The following NEDD4L variants were observed in gnomAD, a reference collection of about 807,000 sequenced individuals.
NEDD4L encodes E3 ubiquitin-protein ligase NEDD4-like.
NEDD4L carries 54 observed loss-of-function variants against 148.9 expected under a neutral mutation model. The ratio of observed to expected loss-of-function variants is 0.36; its 90% CI spans 0.29 to 0.45. NEDD4L has a LOEUF of 0.45. Ranked by LOEUF, NEDD4L falls within the 20% of genes least tolerant of loss-of-function variation. The pLI is 1.00. For missense variants in NEDD4L, 856 were observed against 1,233.8 expected, an observed-to-expected ratio of 0.69 and a Z score of 4.59; for synonymous variants, 433 against 440.7, an observed-to-expected ratio of 0.98 and a Z score of 0.22.
At chr18:58,123,491 C>G (rs918114585) in intron 1 of NEDD4L, among the ~76,000 whole-genome samples, 3 of 152,156 alleles carry the variant, frequency 2.0e-5, no homozygotes, top group African/African-American at 7.2e-5. Context: ...TTCCTGTAAA[C>G]AGCCAAACTG....
chr18:58,280,780 AAAATT>A (rs1388751340), intron 5 of NEDD4L, among the ~76,000 whole-genome samples: 1 of 152,194 alleles, frequency 6.6e-6, no homozygotes, highest in Non-Finnish European at 1.5e-5. Context: ...TCACTGTAGA[AAAATT>A]AAGAAAGTCA....
chr18:58,186,299 C>T (rs1223569777), intron 2 of NEDD4L, among the ~76,000 whole-genome samples: 3 of 152,234 alleles, frequency 2.0e-5, no homozygotes, highest in Admixed American at 2.0e-4. Flanking sequence ...CATTGGATGT[C>T]AGCCCTAGGC....
intron 1 of NEDD4L, among the ~76,000 whole-genome samples, chr18:58,068,204 TTTTG>T (rs1447794235): frequency 0.015 from 1,803 of 122,310 alleles, 63 homozygotes; most frequent in African/African-American, 0.069. Flanking sequence ...TTTTTTTTTT[TTTTG>T]TTTTGTTTTG....
In NEDD4L at chr18:58,305,990, A is replaced by C. The variant is rs544228784; in HGVS notation, c.298-9992A>C. On this transcript the variant is annotated intron_variant, in intron 5 of 30. Transcript: ENST00000400345. ...ATTATTTTGTCCTCCAGTGGCTTTTATACCCAGCAAAGTGGACCATGGTGT... is the reference window on the plus strand; with the variant it reads ...ATTATTTTGTCCTCCAGTGGCTTTTCTACCCAGCAAAGTGGACCATGGTGT... 6.4e-4 allele frequency among the ~76,000 whole-genome samples: 98 copies of C among 152,302 alleles called. 2 individuals carry two copies. The South Asian group carries it at 0.02, about 31-fold the overall frequency.
At chr18:58,203,308 C>T (rs1482677609) in intron 2 of NEDD4L, among the ~76,000 whole-genome samples, 1 of 152,148 alleles carries the variant, frequency 6.6e-6, no homozygotes, top group East Asian at 1.9e-4. Flanking sequence ...AACTTAATTG[C>T]AAATTACTTC....
chr18:58,370,624 T>C (rs1357187260), intron 23 of NEDD4L, among the ~76,000 whole-genome samples, 157 bp downstream of exon 23: 1 of 152,240 alleles, frequency 6.6e-6, no homozygotes, highest in Non-Finnish European at 1.5e-5. Context: ...TTCATTGATC[T>C]AATTCTTGTA....
At chr18:58,304,308 C>T (rs545538098) in intron 5 of NEDD4L, among the ~76,000 whole-genome samples, 1 of 146,484 alleles carries the variant, frequency 6.8e-6, no homozygotes, top group Non-Finnish European at 1.5e-5. Flanking sequence ...CACTTAAGCC[C>T]AGGACTTTGA....
At chr18:58,276,328 C>T (rs2052002691) in intron 5 of NEDD4L, among the ~76,000 whole-genome samples, 1 of 151,874 alleles carries the variant, frequency 6.6e-6, no homozygotes, top group Admixed American at 6.6e-5. Flanking sequence ...CCTGCCTCAG[C>T]CTCCTGAGTA....
At chr18:58,137,644 T>G (rs2032996550) in intron 1 of NEDD4L, among the ~76,000 whole-genome samples, 2 of 152,182 alleles carry the variant, frequency 1.3e-5, no homozygotes, top group African/African-American at 4.8e-5. Flanking sequence ...CTCCAAAACA[T>G]GATTGTGGTG....
intron 1 of NEDD4L, among the ~76,000 whole-genome samples, chr18:58,066,790 G>A (rs2082621095): frequency 6.6e-6 from 1 of 152,110 alleles, no homozygotes; most frequent in African/African-American, 2.4e-5. Context: ...TGTCTTACAT[G>A]GAAGAATCAG....
intron 1 of NEDD4L, among the ~76,000 whole-genome samples, chr18:58,117,326 A>AT (rs1420462223): frequency 6.6e-6 from 1 of 152,144 alleles, no homozygotes; most frequent in Non-Finnish European, 1.5e-5. Context: ...TACACAATCA[A>AT]TTTACTTTTT....
chr18:58,047,625 T>A, intron 1 of NEDD4L: 2 of 506,006 alleles, frequency 4.0e-6, no homozygotes, highest in Non-Finnish European at 5.1e-6. Context: ...TACCCTGATT[T>A]AAGTCATGTC....
intron 2 of NEDD4L, among the ~76,000 whole-genome samples, chr18:58,197,199 C>T (rs568203320): frequency 4.6e-5 from 7 of 151,994 alleles, no homozygotes; most frequent in South Asian, 2.1e-4. Context: ...GAGCCTGGGC[C>T]GTCACCTTAA....
intron 22 of NEDD4L, among the ~76,000 whole-genome samples, chr18:58,369,051 C>CG (rs574834838): frequency 4.6e-5 from 7 of 152,002 alleles, no homozygotes; most frequent in Admixed American, 3.9e-4. Flanking sequence ...TATATTTTAG[C>CG]GGGGGGAAAA....
At chr18:58,306,844 G>A (rs2057122583) in intron 5 of NEDD4L, among the ~76,000 whole-genome samples, 1 of 152,130 alleles carries the variant, frequency 6.6e-6, no homozygotes, top group South Asian at 2.1e-4. Flanking sequence ...ATGTTGGCCA[G>A]GCTGTTCTCG....
Position 58,366,326 on chromosome 18 carries a change from A to G in NEDD4L, c.2063+98A>G, listed in dbSNP as rs1313585153. 1.2e-6 allele frequency: 1 copy of G among 834,240 alleles called. No homozygotes were observed. The highest frequency in any genetic ancestry group is 1.8e-6 in the Non-Finnish European group (1 of 548,090). The allele number at this position is 834,240 out of a possible 1,614,324, so 51.7% of individuals were successfully genotyped here. On this transcript the variant is annotated intron_variant, in intron 21 of 30. Transcript: ENST00000400345. The surrounding 1 kb of genome is among the most constrained non-coding windows in gnomAD (Gnocchi z 4.2). ...TAAGCAGCTCATGAGTTCGAGATGCATTAACTCTGCTGAGTTTGTTCTCTC... is the reference window on the plus strand; with the variant it reads ...TAAGCAGCTCATGAGTTCGAGATGCGTTAACTCTGCTGAGTTTGTTCTCTC...
At chr18:58,210,509 T>C (rs1360380799) in intron 2 of NEDD4L, among the ~76,000 whole-genome samples, 1 of 152,148 alleles carries the variant, frequency 6.6e-6, no homozygotes, top group Non-Finnish European at 1.5e-5. Flanking sequence ...AGTGCAACGG[T>C]GCGATCTCGG....
chr18:58,256,430 T>C lies in NEDD4L; in HGVS notation c.297+4376T>C. 1 of 1,232,276 alleles carries C rather than the reference T, an allele frequency of 8.1e-7. No individual in the cohort carries two copies. The highest frequency in any genetic ancestry group is 1.0e-6 in the Non-Finnish European group (1 of 988,068). The allele number at this position is 1,232,276 out of a possible 1,614,324, so 76.3% of individuals were successfully genotyped here. On this transcript the variant is annotated intron_variant, in intron 5 of 30. Transcript: ENST00000400345. The surrounding 1 kb of genome is among the most constrained non-coding windows in gnomAD (Gnocchi z 5.2). ...GCCAGGCAGCGACCTCAACTTTGGC[T>C]TCACGGGCACAAAGGGGGACAGGTT...
chr18:58,375,502 G>A (rs1381781094), intron 24 of NEDD4L, among the ~76,000 whole-genome samples: 1 of 152,028 alleles, frequency 6.6e-6, no homozygotes, highest in African/African-American at 2.4e-5. Flanking sequence ...ACCCCCCTCT[G>A]GCATTACCCT....
Sources: allele counts gnomAD v4.1 joint callset (sites outside exome capture counted in the v4.1 genomes callset), GRCh38; gene constraint gnomAD v4.1.1; non-coding constraint Gnocchi (gnomAD v3.1); transcripts MANE v1.5; gene names NCBI Gene and HGNC (gene_info 2026-07-23, HGNC 2026-07-21).